SLAIN1: variants seen among roughly 807,000 people sequenced by gnomAD.
SLAIN1 encodes SLAIN family member 1.
SLAIN1 carries 17 observed loss-of-function variants against 55.4 expected under a neutral mutation model. The ratio of observed to expected loss-of-function variants is 0.31; its 90% CI spans 0.21 to 0.46. SLAIN1 has a LOEUF of 0.46. SLAIN1 is among the 20% of genes least tolerant of loss of function. The pLI, the probability that SLAIN1 is intolerant of heterozygous loss-of-function variation, is 1.00. For synonymous variants in SLAIN1, 348 were observed against 337.4 expected (o/e 1.03, Z -0.35); for missense variants, 682 against 785.1 (o/e 0.87, Z 1.57).
intron 1 of SLAIN1, among the ~76,000 whole-genome samples, chr13:77,706,141 C>G (rs1325286011): frequency 6.6e-6 from 1 of 152,070 alleles, no homozygotes; most frequent in Non-Finnish European, 1.5e-5. Flanking sequence ...TTTTCCTAAA[C>G]AGTCTTTATA....
In SLAIN1 at chr13:77,697,900, C is replaced by T; in HGVS notation, c.-14C>T. 2 of 1,357,082 alleles carry T rather than the reference C, an allele frequency of 1.5e-6. No individual in the cohort carries two copies. Among genetic ancestry groups the T allele is most frequent in the Non-Finnish European group, 1.9e-6 (2 of 1,050,386 alleles). 84.1% of individuals were successfully genotyped at this position (1,357,082 alleles called of 1,614,324 possible). A position where few individuals can be genotyped will look rare whatever the true frequency, so the allele number is the denominator to read the frequency against. ...GCGCACTCCCCGGCGGCCGCGGCGCCCTCGGGGCCCACGATGATGGCGGAG... is the reference window on the plus strand; with the variant it reads ...GCGCACTCCCCGGCGGCCGCGGCGCTCTCGGGGCCCACGATGATGGCGGAG... On this transcript the variant is annotated 5_prime_UTR_variant, in exon 1 of 7. Transcript: ENST00000418532.
At chr13:77,743,233 C>A in intron 2 of SLAIN1, 1 of 1,159,164 alleles carries the variant, frequency 8.6e-7, no homozygotes, top group Non-Finnish European at 1.1e-6. Context: ...CTTAAATATT[C>A]ATCTTTCATT....
intron 1 of SLAIN1, among the ~76,000 whole-genome samples, chr13:77,708,145 G>A (rs1221568092): frequency 1.3e-5 from 2 of 152,188 alleles, no homozygotes; most frequent in Non-Finnish European, 2.9e-5. Flanking sequence ...GAATGTGCCT[G>A]TAGAAATGAG....
At chr13:77,721,023 C>G (rs2091256515) in intron 2 of SLAIN1, among the ~76,000 whole-genome samples, 1 of 152,082 alleles carries the variant, frequency 6.6e-6, no homozygotes, top group Non-Finnish European at 1.5e-5. Flanking sequence ...TCCCATTTAC[C>G]TAAGTGACTC....
intron 4 of SLAIN1, among the ~76,000 whole-genome samples, chr13:77,748,203 A>G (rs1873963763): frequency 6.6e-6 from 1 of 152,002 alleles, no homozygotes; most frequent in Admixed American, 6.6e-5. Flanking sequence ...TCATTTGGAA[A>G]TATTTAAAAT....
intron 2 of SLAIN1, among the ~76,000 whole-genome samples, chr13:77,733,098 A>G (rs1872953735): frequency 1.3e-5 from 2 of 152,164 alleles, no homozygotes; most frequent in African/African-American, 2.4e-5. Flanking sequence ...TAGTGTCAAG[A>G]ATAATTATAA....
At chr13:77,699,044 C>G (rs556467942) in intron 1 of SLAIN1, 17 of 1,535,304 alleles carry the variant, frequency 1.1e-5, no homozygotes, top group Non-Finnish European at 1.4e-5. Flanking sequence ...TGATGGATCT[C>G]TCTTTATAGA....
At chr13:77,733,168 AT>A (rs1872956767) in intron 2 of SLAIN1, among the ~76,000 whole-genome samples, 1 of 152,186 alleles carries the variant, frequency 6.6e-6, no homozygotes, top group South Asian at 2.1e-4. Flanking sequence ...ACATGGTGGA[AT>A]TTGTAACTCT....
intron 3 of SLAIN1, among the ~76,000 whole-genome samples, chr13:77,745,074 G>A (rs1229724479): frequency 6.6e-6 from 1 of 152,054 alleles, no homozygotes; most frequent in African/African-American, 2.4e-5. Context: ...GTGGAGTTAG[G>A]TATAGGGCTT....
At chr13:77,745,915 T>G (rs543077859) in intron 3 of SLAIN1, among the ~76,000 whole-genome samples, 1 of 152,244 alleles carries the variant, frequency 6.6e-6, no homozygotes, top group African/African-American at 2.4e-5. Context: ...CTTTGTAGTT[T>G]GACTATTTTT....
Position 77,700,543 on chromosome 13 carries a change from C to T in SLAIN1, c.626+2004C>T, listed in dbSNP as rs140003584. ...CCTGATTTACATAATTTTATTATTA[C>T]ATTTTATGCATCAAGATTTTGTTTG... On this transcript the variant is annotated intron_variant, in intron 1 of 6. Coordinates refer to ENST00000418532, the MANE Select transcript of SLAIN1 (RefSeq NM_001242868.2). Among the ~76,000 whole-genome samples the T allele has an allele frequency of 1.7e-3, 264 of 152,254 alleles. 4 individuals are homozygous for T. Among genetic ancestry groups the T allele is most frequent in the Admixed American group, 3.3e-3 (50 of 15,284 alleles).
chr13:77,698,393 C>T lies in SLAIN1; in HGVS notation c.480C>T (p.Gly160=). 3.5e-6 allele frequency: 5 copies of T among 1,412,332 alleles called. No homozygotes were observed. Among genetic ancestry groups the T allele is most frequent in the Non-Finnish European group, 4.6e-6 (5 of 1,084,340 alleles). The allele number at this position is 1,412,332 out of a possible 1,614,324, so 87.5% of individuals were successfully genotyped here. Residue 160 remains glycine (G), a synonymous_variant, in exon 1 of 7, where the codon GGC becomes GGT. Coordinates refer to ENST00000418532, the MANE Select transcript of SLAIN1 (RefSeq NM_001242868.2). This position sits in a 1 kb window ranked among gnomAD's most constrained non-coding sequence, Gnocchi z 4.1. The part of the protein sequence containing the change: ...FKPAAGFFGA[G]GGGPEPGGAG... Reference sequence around the variant, plus strand: ...CGGCAGCAGGCTTCTTCGGCGCGGGCGGTGGCGGGCCGGAGCCGGGGGGCG... The same window carrying T: ...CGGCAGCAGGCTTCTTCGGCGCGGGTGGTGGCGGGCCGGAGCCGGGGGGCG...
chr13:77,739,181 G>A (rs921128626), intron 2 of SLAIN1, among the ~76,000 whole-genome samples: 3 of 151,972 alleles, frequency 2.0e-5, no homozygotes, highest in Non-Finnish European at 2.9e-5. Context: ...TGCTTCTCCA[G>A]GTATATTTTT....
chr13:77,754,538 T>C (rs868846982), intron 5 of SLAIN1, among the ~76,000 whole-genome samples: 3 of 152,224 alleles, frequency 2.0e-5, no homozygotes, highest in Admixed American at 2.0e-4. Context: ...TGCTATCATA[T>C]TCTAGCTCCA....
At chr13:77,754,268 A>G (rs1874443294) in intron 5 of SLAIN1, among the ~76,000 whole-genome samples, 1 of 152,204 alleles carries the variant, frequency 6.6e-6, no homozygotes, top group Admixed American at 6.5e-5. Context: ...CCTAACATGC[A>G]GCGATCTTTC....
Position 77,761,158 on chromosome 13 carries a change from A to G in SLAIN1, c.1697+48A>G, listed in dbSNP as rs373512472. 6.5e-4 allele frequency: 1,026 copies of G among 1,573,328 alleles called. 9 individuals carry two copies. Among genetic ancestry groups the G allele is most frequent in the Middle Eastern group, 6.7e-4 (4 of 5,950 alleles). ...CTTCATTTGCAGTTTGGAACTAGAAACTGCTCCAGACACACGCTGACTTTT... is the reference window on the plus strand; with the variant it reads ...CTTCATTTGCAGTTTGGAACTAGAAGCTGCTCCAGACACACGCTGACTTTT... On this transcript the variant is annotated intron_variant, in intron 6 of 6. Coordinates refer to ENST00000418532, the MANE Select transcript of SLAIN1 (RefSeq NM_001242868.2).
At chr13:77,719,870 A>G (rs1402718701) in intron 2 of SLAIN1, among the ~76,000 whole-genome samples, 199 bp downstream of exon 2, 1 of 152,084 alleles carries the variant, frequency 6.6e-6, no homozygotes, top group Non-Finnish European at 1.5e-5. Flanking sequence ...GATTTTAGCC[A>G]TATTTTTAGT....
At chr13:77,727,399 T>G (rs748772303) in intron 2 of SLAIN1, among the ~76,000 whole-genome samples, 19 of 151,652 alleles carry the variant, frequency 1.3e-4, no homozygotes, top group Non-Finnish European at 2.1e-4. Flanking sequence ...TTTTGTGTGA[T>G]TGACTAATTT....
Position 77,763,554 on chromosome 13 carries a change from T to C in SLAIN1, c.*334T>C, listed in dbSNP as rs1048173207. On this transcript the variant is annotated 3_prime_UTR_variant, in exon 7 of 7. Coordinates refer to ENST00000418532, the MANE Select transcript of SLAIN1 (RefSeq NM_001242868.2). ...CATATGAGTTTTTTAAAGTAACTTG[T>C]TCAATTTACTCACGTGTTCTAAACA... The C allele has an allele frequency of 3.6e-5, 8 of 221,376 alleles. No homozygotes were observed. Among genetic ancestry groups the C allele is most frequent in the Non-Finnish European group, 7.2e-5 (8 of 111,468 alleles). The allele number at this position is 221,376 out of a possible 1,614,324, so 13.7% of individuals were successfully genotyped here. A position where few individuals can be genotyped will look rare whatever the true frequency, so the allele number is the denominator to read the frequency against.
Sources: allele counts gnomAD v4.1 joint callset (sites outside exome capture counted in the v4.1 genomes callset), GRCh38; gene constraint gnomAD v4.1.1; non-coding constraint Gnocchi (gnomAD v3.1); transcripts MANE v1.5; gene names NCBI Gene and HGNC (gene_info 2026-07-23, HGNC 2026-07-21).